The following MPRIP variants were observed in gnomAD, a reference collection of about 807,000 sequenced individuals.
The protein encoded by MPRIP is myosin phosphatase Rho-interacting protein.
A neutral mutation model predicts 234.9 loss-of-function variants in MPRIP; 59 were observed. The ratio of observed to expected loss-of-function variants is 0.25; its 90% CI spans 0.20 to 0.31. The LOEUF (loss-of-function observed/expected upper bound fraction) is 0.31, where lower values mean the gene tolerates loss of function less well. MPRIP is among the 10% of genes least tolerant of loss of function. The pLI is 1.00. For synonymous variants in MPRIP, 1,144 were observed against 1,263.9 expected (o/e 0.91, Z 2.01); for missense variants, 2,436 against 3,071.0 (o/e 0.79, Z 4.89).
At chr17:17,179,839 A>G (rs1204229296) in intron 22 of MPRIP, among the ~76,000 whole-genome samples, 164 bp from the exon 23 acceptor site, 1 of 152,178 alleles carries the variant, frequency 6.6e-6, no homozygotes, top group Non-Finnish European at 1.5e-5. Context: ...GAGATCTAGC[A>G]TGTTTTATGG....
Position 17,129,731 on chromosome 17 carries a change from G to A in MPRIP, c.420-1886G>A, listed in dbSNP as rs2090560637. On this transcript the variant is annotated intron_variant, in intron 4 of 23. Coordinates refer to ENST00000651222, the MANE Select transcript of MPRIP (RefSeq NM_001364716.4). Reference sequence around the variant, plus strand: ...GCAAGGCCATTAGTCATTGCTGACTGATGGAACCTGGGCCAGTCTGCAGGG... The same window carrying A: ...GCAAGGCCATTAGTCATTGCTGACTAATGGAACCTGGGCCAGTCTGCAGGG... 2.6e-5 allele frequency among the ~76,000 whole-genome samples: 4 copies of A among 152,302 alleles called. No homozygotes were observed. In the South Asian group the frequency reaches 6.2e-4, roughly 24 times the overall value.
intron 3 of MPRIP, among the ~76,000 whole-genome samples, chr17:17,094,553 G>T (rs1040720730): frequency 6.6e-6 from 1 of 151,052 alleles, no homozygotes; most frequent in Admixed American, 6.6e-5. Flanking sequence ...AGTCCAGAGT[G>T]TGTCTTATAT....
rs1157648006 is a variant in MPRIP, at chr17:17,064,435, A to G, written c.124-11275A>G. The stretch of plus-strand genomic sequence containing the variant: ...GGTTGTAACAAATAACAGAGATCCC[A>G]TGTACCCCTTTGCCCAGGTCCTCCG... On this transcript the variant is annotated intron_variant, in intron 1 of 23. Transcript: ENST00000651222. Among the ~76,000 whole-genome samples the G allele has an allele frequency of 2.0e-5, 3 of 152,084 alleles. No homozygotes were observed. The East Asian group carries it at 5.8e-4, about 29-fold the overall frequency.
chr17:17,162,369 C>T (rs183650893), intron 15 of MPRIP, among the ~76,000 whole-genome samples: 2 of 152,348 alleles, frequency 1.3e-5, no homozygotes, highest in South Asian at 4.1e-4. Flanking sequence ...TGACCTTGGT[C>T]TGAGTTGTCC....
At chr17:17,110,183 C>T (rs2090142669) in intron 3 of MPRIP, among the ~76,000 whole-genome samples, 1 of 152,096 alleles carries the variant, frequency 6.6e-6, no homozygotes. Flanking sequence ...CCTCTCTGAC[C>T]ATGTGATCTC....
chr17:17,086,408 A>G (rs1216303641), intron 3 of MPRIP, among the ~76,000 whole-genome samples: 2 of 152,202 alleles, frequency 1.3e-5, no homozygotes, highest in Non-Finnish European at 2.9e-5. Flanking sequence ...GATGTTGCCT[A>G]TTTGTAACAA....
At chr17:17,095,652 T>C (rs1211876705) in intron 3 of MPRIP, among the ~76,000 whole-genome samples, 2 of 152,078 alleles carry the variant, frequency 1.3e-5, no homozygotes, top group African/African-American at 2.4e-5. Flanking sequence ...CTGCTGCCCC[T>C]GACTCTAGGG....
intron 9 of MPRIP, 130 bp from the exon 10 acceptor site, chr17:17,145,906 G>A (rs2045453182): frequency 1.1e-6 from 1 of 875,480 alleles, no homozygotes; most frequent in African/African-American, 1.7e-5. Flanking sequence ...GGGCTGCACA[G>A]GCTTGTCTGG....
At chr17:17,113,865 A>ATTTTC (rs796825940) in intron 3 of MPRIP, among the ~76,000 whole-genome samples, 1 of 126,710 alleles carries the variant, frequency 7.9e-6, no homozygotes, top group Non-Finnish European at 1.6e-5. Flanking sequence ...TGTGATTTGC[A>ATTTTC]TTTTCTTTTC....
At chr17:17,085,401 A>G (rs2144106083) in intron 3 of MPRIP, among the ~76,000 whole-genome samples, 1 of 152,272 alleles carries the variant, frequency 6.6e-6, no homozygotes, top group East Asian at 1.9e-4. Flanking sequence ...TGGGGGAGGT[A>G]GCCCCCGCAG....
At chr17:17,097,535 T>G (rs1306825700) in intron 3 of MPRIP, among the ~76,000 whole-genome samples, 2 of 152,186 alleles carry the variant, frequency 1.3e-5, no homozygotes, top group Non-Finnish European at 2.9e-5. Context: ...TCCTTTCCTA[T>G]CCTTCTATGC....
In MPRIP at chr17:17,164,809, T is replaced by C. The variant is rs1370167634; in HGVS notation, c.3218T>C (p.Phe1073Ser). Residue 1073 changes from phenylalanine to serine, a missense_variant, in exon 16 of 24, where the codon TTC becomes TCC. By Grantham distance (155) the Phe-to-Ser change is radical. This residue lies in a region of MPRIP where 1,998 missense variants were observed against 2,520.3 expected (regional missense o/e 0.79). Transcript: ENST00000651222. ...CAGAAGGAGAAGCTGAGCGCCACTT[T>C]CGAGGGCAGTGAGCAGGTGCACCAG... Reference protein sequence around the residue: ...TLQKEKLSATFEGSEQVHQLE... With the variant: ...TLQKEKLSATSEGSEQVHQLE... 8 of 1,304,058 alleles carry C rather than the reference T, an allele frequency of 6.1e-6. No individual in the cohort carries two copies. The Admixed American group carries it at 1.6e-4, about 26-fold the overall frequency. The allele number at this position is 1,304,058 out of a possible 1,614,324, so 80.8% of individuals were successfully genotyped here.
At chr17:17,151,538 A>AGT (rs2045603169) in intron 12 of MPRIP, among the ~76,000 whole-genome samples, 7 of 152,304 alleles carry the variant, frequency 4.6e-5, no homozygotes, top group Admixed American at 3.9e-4. Context: ...AACTCCACCT[A>AGT]AAGCCCTTCC....
intron 19 of MPRIP, 151 bp downstream of exon 19, chr17:17,174,226 C>T: frequency 1.0e-6 from 1 of 976,552 alleles, no homozygotes; most frequent in South Asian, 1.7e-5. Context: ...TTACCTGCCC[C>T]AGGGCTTCTC....
At chr17:17,152,377 C>T (rs2045622286) in intron 12 of MPRIP, among the ~76,000 whole-genome samples, 1 of 152,250 alleles carries the variant, frequency 6.6e-6, no homozygotes, top group South Asian at 2.1e-4. Flanking sequence ...ACCCCGCTCT[C>T]CTAGTGACAA....
intron 1 of MPRIP, among the ~76,000 whole-genome samples, chr17:17,059,582 A>G (rs918109859): frequency 2.0e-5 from 3 of 152,160 alleles, no homozygotes; most frequent in African/African-American, 7.2e-5. Context: ...GAAGTCTGTC[A>G]TTTGCCCCCT....
At chr17:17,099,997 A>AG (rs1177754725) in intron 3 of MPRIP, among the ~76,000 whole-genome samples, 1 of 152,222 alleles carries the variant, frequency 6.6e-6, no homozygotes, top group East Asian at 1.9e-4. Flanking sequence ...GTGGCAGGCA[A>AG]GGGGACACTT....
Position 17,128,247 on chromosome 17 carries a change from G to A in MPRIP, c.419+1394G>A, listed in dbSNP as rs1359674810. ...AACCCTCACCCTTTCCACAGGAGCTGGGTCCCAGGGAGGGTGTGGGTAACA... is the reference window on the plus strand; with the variant it reads ...AACCCTCACCCTTTCCACAGGAGCTAGGTCCCAGGGAGGGTGTGGGTAACA... On this transcript the variant is annotated intron_variant, in intron 4 of 23. Transcript: ENST00000651222. Among the ~76,000 whole-genome samples, 5 of 152,314 alleles carry A rather than the reference G, an allele frequency of 3.3e-5. No homozygotes were observed. The East Asian group carries it at 9.6e-4, about 29-fold the overall frequency.
Position 17,175,421 on chromosome 17 carries a change from A to T in MPRIP, c.6870+9A>T. The T allele has an allele frequency of 6.2e-7, 1 of 1,600,884 alleles. No homozygotes were observed. The highest frequency in any genetic ancestry group is 2.3e-5 in the East Asian group (1 of 44,270). On this transcript the variant is annotated intron_variant, in intron 20 of 23. Coordinates refer to ENST00000651222, the MANE Select transcript of MPRIP (RefSeq NM_001364716.4). ...ATGCCTATGAACTAGAGGTACCATCAGGAGCCAGGCCCTGCCTGACTCAGC... is the reference window on the plus strand; with the variant it reads ...ATGCCTATGAACTAGAGGTACCATCTGGAGCCAGGCCCTGCCTGACTCAGC...
Sources: gnomAD v4.1 joint callset for allele counts (sites outside exome capture counted in the v4.1 genomes callset) on GRCh38, gnomAD v4.1.1 for gene constraint, gnomAD v4.1.1 regional missense constraint, MANE v1.5 for transcripts, NCBI Gene and HGNC (gene_info 2026-07-23, HGNC 2026-07-21) for gene names.